Variants in PPARGC1B observed in about 807,000 individuals in gnomAD.
PPARGC1B encodes the protein peroxisome proliferator-activated receptor gamma coactivator 1-beta.
Under a neutral mutation model 101.6 loss-of-function variants are expected in PPARGC1B, and 34 were observed. The ratio of observed to expected loss-of-function variants is 0.33; its 90% CI spans 0.25 to 0.45. PPARGC1B has a LOEUF of 0.45. Ranked by LOEUF, PPARGC1B falls within the 20% of genes least tolerant of loss-of-function variation. The pLI is 1.00. For synonymous variants in PPARGC1B, 548 were observed against 539.3 expected (o/e 1.02, Z -0.22); for missense variants, 1,234 against 1,317.6 (o/e 0.94, Z 0.98).
At chr5:149,734,000 C>T (rs1438035169) in intron 1 of PPARGC1B, among the ~76,000 whole-genome samples, 1 of 152,078 alleles carries the variant, frequency 6.6e-6, no homozygotes, top group Non-Finnish European at 1.5e-5. Flanking sequence ...TGTTTATTTC[C>T]TGTTCATATA....
chr5:149,811,552 G>C (rs914429688), intron 1 of PPARGC1B, among the ~76,000 whole-genome samples: 1 of 152,180 alleles, frequency 6.6e-6, no homozygotes, highest in Non-Finnish European at 1.5e-5. Flanking sequence ...CTAAGTCGGT[G>C]GGAGCAGACC....
At chr5:149,838,291 C>T (rs767236415) in intron 8 of PPARGC1B, among the ~76,000 whole-genome samples, 9 of 152,196 alleles carry the variant, frequency 5.9e-5, no homozygotes, top group South Asian at 2.1e-4. Flanking sequence ...GTGGGCTCCC[C>T]GCAAACTTGT....
intron 1 of PPARGC1B, among the ~76,000 whole-genome samples, chr5:149,770,765 G>A (rs1458773265): frequency 2.0e-5 from 3 of 151,380 alleles, no homozygotes; most frequent in East Asian, 3.9e-4. Context: ...CCAGGAGTTC[G>A]AGGCTTCAGT....
At chr5:149,810,681 TG>T (rs1757819455) in intron 1 of PPARGC1B, among the ~76,000 whole-genome samples, 1 of 152,226 alleles carries the variant, frequency 6.6e-6, no homozygotes, top group Non-Finnish European at 1.5e-5. Flanking sequence ...TTTTGGTGGA[TG>T]GGCCACAGAT....
intron 1 of PPARGC1B, among the ~76,000 whole-genome samples, chr5:149,806,415 T>C (rs1312639554): frequency 6.6e-6 from 1 of 152,142 alleles, no homozygotes; most frequent in Non-Finnish European, 1.5e-5. Flanking sequence ...TCTACCTCTT[T>C]CTGGGTTATT....
intron 1 of PPARGC1B, among the ~76,000 whole-genome samples, chr5:149,749,199 C>G (rs1484257198): frequency 6.6e-6 from 1 of 152,170 alleles, no homozygotes; most frequent in Non-Finnish European, 1.5e-5. Context: ...ATACTTAGTG[C>G]CATCATAATG....
chr5:149,809,174 CCATA>C (rs1331086643), intron 1 of PPARGC1B, among the ~76,000 whole-genome samples: 1 of 84,764 alleles, frequency 1.2e-5, no homozygotes, highest in Admixed American at 1.5e-4. Context: ...TCCATCTCTA[CCATA>C]GATAGATAGA....
intron 1 of PPARGC1B, among the ~76,000 whole-genome samples, chr5:149,732,103 TA>T: frequency 6.6e-6 from 1 of 151,972 alleles, no homozygotes; most frequent in Non-Finnish European, 1.5e-5. Context: ...GCCGGGCGCG[TA>T]CCTTTACCTC....
chr5:149,751,669 GCA>G (rs376361932), intron 1 of PPARGC1B, among the ~76,000 whole-genome samples: 1 of 150,776 alleles, frequency 6.6e-6, no homozygotes, highest in African/African-American at 2.4e-5. Context: ...TTGCACCACT[GCA>G]CTCCAGCCTG....
At chr5:149,776,431 CAG>C (rs1413172712) in intron 1 of PPARGC1B, among the ~76,000 whole-genome samples, 1 of 152,130 alleles carries the variant, frequency 6.6e-6, no homozygotes, top group Non-Finnish European at 1.5e-5. Context: ...TTAGGCTGGA[CAG>C]TTTTGCATTG....
chr5:149,745,504 C>CTA (rs1755054463), intron 1 of PPARGC1B, among the ~76,000 whole-genome samples: 1 of 152,156 alleles, frequency 6.6e-6, no homozygotes, highest in South Asian at 2.1e-4. Context: ...AAATCAGGTA[C>CTA]TATTCATAGA....
chr5:149,732,106 C>CTT, intron 1 of PPARGC1B, among the ~76,000 whole-genome samples: 1 of 151,954 alleles, frequency 6.6e-6, no homozygotes, highest in Non-Finnish European at 1.5e-5. Flanking sequence ...GGGCGCGTAC[C>CTT]TTTACCTCTG....
intron 1 of PPARGC1B, among the ~76,000 whole-genome samples, chr5:149,813,905 C>T (rs1434773949): frequency 1.3e-5 from 2 of 152,148 alleles, no homozygotes; most frequent in Non-Finnish European, 1.5e-5. Context: ...GAGGGGCAAC[C>T]GAGCTTACTT....
rs368660921 is a variant in PPARGC1B, at chr5:149,762,522, T to A, written c.78+32102T>A. 1.2e-3 allele frequency among the ~76,000 whole-genome samples: 183 copies of A among 152,254 alleles called. 6 individuals are homozygous for A. The South Asian group carries it at 0.034, about 28-fold the overall frequency. On this transcript the variant is annotated intron_variant, in intron 1 of 11. Transcript: ENST00000309241. Reference sequence around the variant, plus strand: ...TGATTCCGGCAGCCTGACCCACCCATGGGGCCTCTCAGTGAATCTATCTTG... The same window carrying A: ...TGATTCCGGCAGCCTGACCCACCCAAGGGGCCTCTCAGTGAATCTATCTTG...
chr5:149,814,032 A>ACCGT, intron 1 of PPARGC1B, among the ~76,000 whole-genome samples: 1 of 152,220 alleles, frequency 6.6e-6, no homozygotes, highest in Non-Finnish European at 1.5e-5. Flanking sequence ...GCGGGATCAC[A>ACCGT]AACATTCAGA....
At chr5:149,847,341 C>T (rs1401739330) in intron 11 of PPARGC1B, 117 bp from the exon 12 acceptor site, 2 of 824,118 alleles carry the variant, frequency 2.4e-6, no homozygotes, top group African/African-American at 1.7e-5. Flanking sequence ...TCCCCAAGGC[C>T]TTGGGCTGCA....
At chr5:149,817,843 A>G in intron 1 of PPARGC1B, 1 of 456,716 alleles carries the variant, frequency 2.2e-6, no homozygotes, top group Non-Finnish European at 4.4e-6. Context: ...TGCTTACCAT[A>G]TGGCCCAACA....
intron 1 of PPARGC1B, among the ~76,000 whole-genome samples, chr5:149,768,426 C>G (rs1755997078): frequency 6.6e-6 from 1 of 151,466 alleles, no homozygotes; most frequent in Non-Finnish European, 1.5e-5. Flanking sequence ...AGGCACGTGC[C>G]ACCATGCCTG....
chr5:149,813,440 A>C (rs1301881369), intron 1 of PPARGC1B, among the ~76,000 whole-genome samples: 1 of 152,174 alleles, frequency 6.6e-6, no homozygotes, highest in Non-Finnish European at 1.5e-5. Context: ...GGGCAAGATC[A>C]TTCCCCCAAC....
Sources: allele counts gnomAD v4.1 joint callset (sites outside exome capture counted in the v4.1 genomes callset), GRCh38; gene constraint gnomAD v4.1.1; transcripts MANE v1.5; gene names NCBI Gene and HGNC (gene_info 2026-07-23, HGNC 2026-07-21).